PZP: variants seen among roughly 807,000 people sequenced by gnomAD.
PZP encodes the protein PZP alpha-2-macroglobulin like, also known as pregnancy zone protein.
In PZP, 150 loss-of-function variants were observed where a neutral mutation model predicts 179.8. The observed-to-expected ratio is 0.83, with a 90% CI of 0.73 to 0.96. The LOEUF (loss-of-function observed/expected upper bound fraction) is 0.96, where lower values mean the gene tolerates loss of function less well. PZP is among the 40% of genes least tolerant of loss of function. The probability of loss-of-function intolerance (pLI) is 0.00; values close to 1 mark genes in which losing one functional copy is unlikely to be tolerated. For missense variants in PZP, 1,689 were observed against 1,764.0 expected (o/e 0.96, Z 0.76); for synonymous variants, 624 against 652.3 (o/e 0.96, Z 0.66).
At chr12:9,187,408 C>A (rs775535575) in intron 13 of PZP, among the ~76,000 whole-genome samples, 37 of 152,306 alleles carry the variant, frequency 2.4e-4, no homozygotes, top group Admixed American at 2.0e-3. Flanking sequence ...CGGCACTACT[C>A]TAAAACCGAT....
At chr12:9,153,576 T>C (rs985225149) in intron 29 of PZP, among the ~76,000 whole-genome samples, 22 of 152,248 alleles carry the variant, frequency 1.4e-4, no homozygotes, top group Non-Finnish European at 3.1e-4. Context: ...CTGTTTATTT[T>C]CATTGACAGT....
downstream of PZP, among the ~76,000 whole-genome samples, chr12:9,147,825 T>C (rs975514483): frequency 1.2e-4 from 19 of 152,346 alleles, no homozygotes; most frequent in South Asian, 1.0e-3. Flanking sequence ...AAATATCTTA[T>C]AGCCTTCTCC....
At chr12:9,185,609 G>A (rs376607025) in intron 13 of PZP, among the ~76,000 whole-genome samples, 1 of 151,602 alleles carries the variant, frequency 6.6e-6, no homozygotes, top group African/African-American at 2.4e-5. Context: ...TCACAAGAAA[G>A]TCATCCCTAA....
At chr12:9,167,332 C>G (rs552197237) in intron 17 of PZP, 1 of 152,256 alleles carries the variant, frequency 6.6e-6, no homozygotes, top group African/African-American at 2.4e-5. Flanking sequence ...CCTACTCTTA[C>G]TGTCAACTTG....
chr12:9,175,656 A>G (rs1942312435), intron 15 of PZP, among the ~76,000 whole-genome samples: 1 of 152,232 alleles, frequency 6.6e-6, no homozygotes. Context: ...GGACATGAAC[A>G]GACAATTCTC....
intron 22 of PZP, 48 bp from the exon 23 acceptor site, chr12:9,161,164 A>G (rs1024839706): frequency 1.4e-6 from 2 of 1,411,958 alleles, no homozygotes; most frequent in Non-Finnish European, 2.0e-6. Context: ...TATGATTACA[A>G]TATAATTTAG....
intron 35 of PZP, 139 bp downstream of exon 35, chr12:9,149,422 C>A: frequency 1.3e-6 from 1 of 780,618 alleles, no homozygotes; most frequent in South Asian, 2.4e-5. Flanking sequence ...TGCTACGCCA[C>A]AGTTTTGTCT....
chr12:9,154,012 T>C (rs1468147128), intron 29 of PZP, among the ~76,000 whole-genome samples: 1 of 152,196 alleles, frequency 6.6e-6, no homozygotes, highest in Non-Finnish European at 1.5e-5. Context: ...TAGAAAGGAA[T>C]GAAGAAGCTG....
At chr12:9,152,370 G>A (rs889124727) in intron 31 of PZP, 60 bp from the exon 32 acceptor site, 17 of 1,244,820 alleles carry the variant, frequency 1.4e-5, no homozygotes, top group Middle Eastern at 1.9e-4. Context: ...CCAAATTTCT[G>A]CTTTCAAGCA....
chr12:9,152,783 C>T (rs750769420), intron 31 of PZP, 41 bp downstream of exon 31: 19 of 1,589,308 alleles, frequency 1.2e-5, no homozygotes, highest in Non-Finnish European at 1.5e-5. Flanking sequence ...TTCCAAGTTG[C>T]TTTTGGGCCA....
chr12:9,191,778 C>A (rs781047880), intron 13 of PZP, among the ~76,000 whole-genome samples: 1 of 152,244 alleles, frequency 6.6e-6, no homozygotes, highest in African/African-American at 2.4e-5. Context: ...ATAAAGTACT[C>A]ATGGCCTGGC....
chr12:9,141,855 C>A, the PZP span, among the ~76,000 whole-genome samples: 57 of 152,282 alleles, frequency 3.7e-4, 2 homozygotes, highest in African/African-American at 1.3e-3. Flanking sequence ...CAGATAAGGT[C>A]CGACTTATTC....
intron 24 of PZP, 39 bp downstream of exon 24, chr12:9,160,275 A>T (rs756155700): frequency 3.2e-6 from 5 of 1,555,096 alleles, no homozygotes; most frequent in Non-Finnish European, 4.4e-6. Context: ...GAAAAGTTTC[A>T]TTAGAGTAAC....
Position 9,202,351 on chromosome 12 carries a change from C to G in PZP, c.448G>C (p.Val150Leu). The change falls in exon 4 of 36, where the codon GTG becomes CTG. Residue 150 changes from valine to leucine, a missense_variant. Physicochemically the swap from Val to Leu is conservative, Grantham distance 32. Around this residue, in one of 3 missense-constraint regions of PZP, gnomAD observed 742 missense variants for 730.5 expected, o/e 1.02. Coordinates refer to ENST00000261336, the MANE Select transcript of PZP (RefSeq NM_002864.3). ...TTTCGAGGGCGAAAATTTTCATCCA[C>G]GGAGACAACACGGAATCTTACTGGA... is the stretch of plus-strand genomic sequence containing the variant. Reference protein sequence around the residue: ...GQTVRFRVVSVDENFRPRNEL... With the variant: ...GQTVRFRVVSLDENFRPRNEL... The G allele has an allele frequency of 6.2e-7, 1 of 1,614,128 alleles. No individual in the cohort carries two copies. Among genetic ancestry groups the G allele is most frequent in the Non-Finnish European group, 8.5e-7 (1 of 1,180,006 alleles).
intron 17 of PZP, chr12:9,167,577 C>T (rs1047905459): frequency 2.0e-5 from 3 of 152,172 alleles, no homozygotes; most frequent in Non-Finnish European, 4.4e-5. Context: ...TCATTGTTCT[C>T]TGTAGTCATG....
intron 32 of PZP, 75 bp downstream of exon 32, chr12:9,152,145 A>G: frequency 9.3e-7 from 1 of 1,077,698 alleles, no homozygotes; most frequent in South Asian, 1.3e-5. Flanking sequence ...CATGGTTTTG[A>G]TATTGGTATG....
Position 9,155,345 on chromosome 12 carries a change from C to G in PZP, c.3551-506G>C, listed in dbSNP as rs191578016. Among the ~76,000 whole-genome samples, 5 of 151,992 alleles carry G rather than the reference C, an allele frequency of 3.3e-5. No individual in the cohort carries two copies. The East Asian group carries it at 5.8e-4, about 18-fold the overall frequency. On this transcript the variant is annotated intron_variant, in intron 28 of 35. Coordinates refer to ENST00000261336, the MANE Select transcript of PZP (RefSeq NM_002864.3). ...CAGTCCGTTTTTGTTGTTTTGTAAC[C>G]TCTTCCAGAGTTAACTACTTCCATT...
At chr12:9,176,794 C>G (rs1247153618) in intron 15 of PZP, among the ~76,000 whole-genome samples, 1 of 152,188 alleles carries the variant, frequency 6.6e-6, no homozygotes, top group Admixed American at 6.5e-5. Context: ...AGTGATTATT[C>G]TATGCCAGTT....
intron 7 of PZP, among the ~76,000 whole-genome samples, chr12:9,197,596 AAATAT>A (rs1380630692): frequency 5.0e-5 from 3 of 59,438 alleles, no homozygotes; most frequent in African/African-American, 1.9e-4. Flanking sequence ...TATAATATAT[AAATAT>A]AATATATATT....
Sources: gnomAD v4.1 joint callset for allele counts (sites outside exome capture counted in the v4.1 genomes callset) on GRCh38, gnomAD v4.1.1 for gene constraint, gnomAD v4.1.1 regional missense constraint, MANE v1.5 for transcripts, NCBI Gene and HGNC (gene_info 2026-07-23, HGNC 2026-07-21) for gene names.